CYP11A1: variants seen among roughly 807,000 people sequenced by gnomAD.
The protein encoded by CYP11A1 is cholesterol side-chain cleavage enzyme, mitochondrial.
A neutral mutation model predicts 51.9 loss-of-function variants in CYP11A1; 25 were observed. The ratio of observed to expected loss-of-function variants is 0.48; its 90% confidence interval spans 0.35 to 0.67. The LOEUF (loss-of-function observed/expected upper bound fraction) is 0.67. CYP11A1 is among the 30% of genes least tolerant of loss of function. The pLI, the probability that CYP11A1 is intolerant of heterozygous loss-of-function variation, is 0.00. For synonymous variants in CYP11A1, 245 were observed against 262.1 expected (o/e 0.93, Z 0.63); for missense variants, 578 against 680.9 (o/e 0.85, Z 1.68).
chr15:74,356,965 G>A (rs955103755), intron 1 of CYP11A1, among the ~76,000 whole-genome samples: 4 of 152,094 alleles, frequency 2.6e-5, no homozygotes, highest in African/African-American at 9.7e-5. Flanking sequence ...GTTATCACTT[G>A]CCTGTTACAG....
chr15:74,339,047 C>T (rs959986553), intron 7 of CYP11A1, among the ~76,000 whole-genome samples, 190 bp downstream of exon 7: 1 of 152,190 alleles, frequency 6.6e-6, no homozygotes, highest in Non-Finnish European at 1.5e-5. Context: ...AGTCTCCCTC[C>T]TAACCCTGGG....
intron 6 of CYP11A1, 112 bp downstream of exon 6, chr15:74,339,475 T>C: frequency 6.7e-7 from 1 of 1,490,988 alleles, no homozygotes; most frequent in Non-Finnish European, 9.2e-7. Flanking sequence ...ACTTTTCACT[T>C]CCTGCTTCCA....
In CYP11A1 at chr15:74,338,058, C is replaced by G; in HGVS notation, c.1480G>C (p.Gly494Arg). 4 of 1,614,166 alleles carry G rather than the reference C, an allele frequency of 2.5e-6. No individual in the cohort carries two copies. Among genetic ancestry groups the G allele is most frequent in the South Asian group, 1.1e-5 (1 of 91,088 alleles). ...RVEIQHLSDV[G>R]TTFNLILMPE... ...ATCAGAATGAGGTTGAATGTGGTGC[C>G]CACATCGCTGAGGTGTTGGATTTCA... The change falls in exon 9 of 9, where the codon GGC becomes CGC. Residue 494 changes from glycine (G) to arginine (R), a missense_variant. Coordinates refer to ENST00000268053, the MANE Select transcript of CYP11A1 (RefSeq NM_000781.3).
At chr15:74,338,514 G>C (rs1245615479) in intron 8 of CYP11A1, 57 bp downstream of exon 8, 1 of 1,546,012 alleles carries the variant, frequency 6.5e-7, no homozygotes, top group African/African-American at 1.4e-5. Context: ...GAAGATTGGT[G>C]CCTTCATTAG....
chr15:74,358,113 T>C (rs2060689648), intron 1 of CYP11A1, among the ~76,000 whole-genome samples: 1 of 152,192 alleles, frequency 6.6e-6, no homozygotes, highest in South Asian at 2.1e-4. Context: ...TAATAAAAAC[T>C]CTTCTCAAGG....
At chr15:74,348,345 C>T in intron 1 of CYP11A1, 1 of 422,504 alleles carries the variant, frequency 2.4e-6, no homozygotes, top group South Asian at 2.4e-5. Context: ...CACAGCACAT[C>T]CCCAGGGCCA....
chr15:74,341,930 C>T (rs976313065), intron 5 of CYP11A1, among the ~76,000 whole-genome samples: 1 of 152,180 alleles, frequency 6.6e-6, no homozygotes, highest in Non-Finnish European at 1.5e-5. Flanking sequence ...AATGCACCAA[C>T]CCTGCCAACA....
chr15:74,366,742 AT>A (rs1471495028), intron 1 of CYP11A1: 2 of 152,130 alleles, frequency 1.3e-5, no homozygotes, highest in Non-Finnish European at 2.9e-5. Context: ...TTGAGACAGA[AT>A]CTCACTCTGT....
At chr15:74,342,950 A>C in intron 5 of CYP11A1, 27 bp downstream of exon 5, 1 of 1,611,758 alleles carries the variant, frequency 6.2e-7, no homozygotes. Flanking sequence ...AGGGGGCAAC[A>C]AGGTGCCGCC....
chr15:74,361,166 C>T lies in CYP11A1; in HGVS notation c.269+6151G>A, dbSNP rs190890722. ...GCTTTCTAGATGAATCAGAGGGCCC[C>T]TGAAAACATCCAGAAAAGAGGTAAA... On this transcript the variant is annotated intron_variant, in intron 1 of 8. Coordinates refer to ENST00000268053, the MANE Select transcript of CYP11A1 (RefSeq NM_000781.3). Among the ~76,000 whole-genome samples the T allele has an allele frequency of 3.8e-4, 58 of 152,070 alleles. 1 individual carries two copies. The highest frequency in any genetic ancestry group is 3.2e-4 in the Non-Finnish European group (22 of 68,004).
At chr15:74,357,925 T>A (rs375334109) in intron 1 of CYP11A1, among the ~76,000 whole-genome samples, 37 of 152,338 alleles carry the variant, frequency 2.4e-4, no homozygotes, top group African/African-American at 8.4e-4. Flanking sequence ...CCCGCTCCAC[T>A]ACCTCTCAGC....
chr15:74,356,041 T>A (rs983196704), intron 1 of CYP11A1, among the ~76,000 whole-genome samples: 4 of 152,128 alleles, frequency 2.6e-5, no homozygotes, highest in African/African-American at 9.7e-5. Flanking sequence ...TGTACAATAA[T>A]AGAAAGGAGG....
At chr15:74,366,464 A>AT (rs2060734160) in intron 1 of CYP11A1, among the ~76,000 whole-genome samples, 2 of 21,660 alleles carry the variant, frequency 9.2e-5, no homozygotes, top group Non-Finnish European at 1.1e-3. Flanking sequence ...TTTTTATTTT[A>AT]TTTATTTATT....
At chr15:74,339,560 G>C (rs2060596615) in intron 6 of CYP11A1, 27 bp downstream of exon 6, 1 of 1,608,498 alleles carries the variant, frequency 6.2e-7, no homozygotes, top group African/African-American at 1.3e-5. Flanking sequence ...TTGGAGTTGG[G>C]GGCGGCATGG....
At position 74,338,339 on chromosome 15, in the gene CYP11A1, A is replaced by G. The variant is rs193081075; in HGVS notation, c.1434+232T>C. Reference sequence around the variant, plus strand: ...ACAAACCTCAGTCCTATCCCATCCCATCACCACCATGGGGAATGGATGGCC... The same window carrying G: ...ACAAACCTCAGTCCTATCCCATCCCGTCACCACCATGGGGAATGGATGGCC... On this transcript the variant is annotated intron_variant, in intron 8 of 8. Transcript: ENST00000268053. 8.4e-5 allele frequency: 59 copies of G among 706,518 alleles called. No homozygotes were observed. The African/African-American group carries it at 9.8e-4, about 12-fold the overall frequency. The allele number at this position is 706,518 out of a possible 1,614,324, so 43.8% of individuals were successfully genotyped here.
intron 1 of CYP11A1, chr15:74,361,534 A>G (rs2060708827): frequency 9.2e-6 from 6 of 648,796 alleles, no homozygotes; most frequent in Non-Finnish European, 1.7e-5. Context: ...TGCCACCAGG[A>G]GCCCTGTACT....
chr15:74,362,281 A>C, intron 1 of CYP11A1: 1 of 282,818 alleles, frequency 3.5e-6, no homozygotes. Flanking sequence ...TAGGAAAACA[A>C]TTAAAGCTTC....
rs1385767790 is a variant in CYP11A1, at chr15:74,337,839, A to G, written c.*133T>C. On this transcript the variant is annotated 3_prime_UTR_variant, in exon 9 of 9. Coordinates refer to ENST00000268053, the MANE Select transcript of CYP11A1 (RefSeq NM_000781.3). Reference sequence around the variant, plus strand: ...GCTGAGCTGAGGAAGGTGACCACTGAGAACCCATTCAACCTGCTGAGCAGG... The same window carrying G: ...GCTGAGCTGAGGAAGGTGACCACTGGGAACCCATTCAACCTGCTGAGCAGG... 8.3e-7 allele frequency: 1 copy of G among 1,206,908 alleles called. No individual in the cohort carries two copies. Among genetic ancestry groups the G allele is most frequent in the Non-Finnish European group, 1.2e-6 (1 of 835,448 alleles). The allele number at this position is 1,206,908 out of a possible 1,614,324, so 74.8% of individuals were successfully genotyped here.
intron 6 of CYP11A1, 93 bp from the exon 7 acceptor site, chr15:74,339,408 G>A: frequency 6.9e-7 from 1 of 1,449,432 alleles, no homozygotes; most frequent in Non-Finnish European, 9.7e-7. Flanking sequence ...AGCCCTAGCT[G>A]CAGCAGCCTG....
Sources: gnomAD v4.1 joint callset for allele counts (sites outside exome capture counted in the v4.1 genomes callset) on GRCh38, gnomAD v4.1.1 for gene constraint, MANE v1.5 for transcripts, NCBI Gene and HGNC (gene_info 2026-07-23, HGNC 2026-07-21) for gene names.